The following MLXIP variants were observed in gnomAD, a reference collection of about 807,000 sequenced individuals.
MLXIP encodes MLX interacting protein.
In MLXIP, 30 loss-of-function variants were observed where a neutral mutation model predicts 87.2. That is an observed-to-expected ratio of 0.34 (90% CI 0.26 to 0.47). The LOEUF is 0.47. Among genes scored for constraint, MLXIP ranks in the 20% least tolerant of loss-of-function variants. The pLI is 1.00. For synonymous variants in MLXIP, 530 were observed against 514.0 expected (o/e 1.03, Z -0.42); for missense variants, 1,002 against 1,240.1 (o/e 0.81, Z 2.88).
chr12:122,093,670 G>T (rs1186340260), intron 1 of MLXIP, among the ~76,000 whole-genome samples: 1 of 138,066 alleles, frequency 7.2e-6, no homozygotes, highest in South Asian at 2.4e-4. Flanking sequence ...ATATGTGTGT[G>T]TGGTGTATGT....
At chr12:122,119,107 G>T (rs1952737626) in intron 1 of MLXIP, among the ~76,000 whole-genome samples, 1 of 151,946 alleles carries the variant, frequency 6.6e-6, no homozygotes, top group Non-Finnish European at 1.5e-5. Flanking sequence ...GGTGGAGCTT[G>T]CAGTGAGCCG....
At chr12:122,130,211 G>A in intron 6 of MLXIP, 99 bp downstream of exon 6, 1 of 1,250,782 alleles carries the variant, frequency 8.0e-7, no homozygotes, top group Non-Finnish European at 1.1e-6. Context: ...TCTCTGAGCT[G>A]CTGCACGTCA....
rs1953250105 is a variant in MLXIP at position 122,143,673 on chromosome 12, G to A, written c.*1861G>A. On this transcript the variant is annotated 3_prime_UTR_variant, in exon 17 of 17. Transcript: ENST00000319080. Reference sequence around the variant, plus strand: ...GTGAGTGCAGCCCCTCTCTACTTCTGTGCCTTTGTAAAACGTGTAGATAAC... The same window carrying A: ...GTGAGTGCAGCCCCTCTCTACTTCTATGCCTTTGTAAAACGTGTAGATAAC... 3 of 152,232 alleles carry A rather than the reference G, an allele frequency of 2.0e-5. No individual in the cohort carries two copies. Among genetic ancestry groups the A allele is most frequent in the African/African-American group, 4.8e-5 (2 of 41,444 alleles). The allele number at this position is 152,232 out of a possible 1,614,324, so 9.4% of individuals were successfully genotyped here.
chr12:122,135,632 T>A lies in MLXIP; in HGVS notation c.1998T>A (p.His666Gln), dbSNP rs769012498. ...GGAAGGGCGAGCAGGTCCCGCTGCA[T>A]GGGGGCAGCCCCCAGGTCACTGTCA... ...PLGKGEQVPL[H>Q]GGSPQVTVTG... The change falls in exon 11 of 17, where the codon CAT becomes CAA. Residue 666 changes from histidine (H) to glutamine (Q), a missense_variant. By Grantham distance (24) the His-to-Gln change is conservative. Around this residue, in one of 3 missense-constraint regions of MLXIP, gnomAD observed 746 missense variants for 897.0 expected, o/e 0.83. Transcript: ENST00000319080. This position sits in a 1 kb window ranked among gnomAD's most constrained non-coding sequence, Gnocchi z 5.3. The A allele has an allele frequency of 1.3e-6, 2 of 1,549,094 alleles. No homozygotes were observed. Among genetic ancestry groups the A allele is most frequent in the Admixed American group, 3.9e-5 (2 of 51,308 alleles).
chr12:122,124,893 T>G (rs1165521276), intron 1 of MLXIP, among the ~76,000 whole-genome samples: 1 of 151,922 alleles, frequency 6.6e-6, no homozygotes, highest in African/African-American at 2.4e-5. Flanking sequence ...TAGGCCGGGC[T>G]TGGTGGCTCA....
chr12:122,105,008 C>T (rs1952498204), intron 1 of MLXIP, among the ~76,000 whole-genome samples: 1 of 152,156 alleles, frequency 6.6e-6, no homozygotes, highest in Non-Finnish European at 1.5e-5. Flanking sequence ...AACATGTTTC[C>T]TTGCTCCCCG....
In MLXIP at chr12:122,141,713, G is replaced by A. The variant is rs1953208006; in HGVS notation, c.2661G>A (p.Gln887=). Residue 887 remains glutamine, a synonymous_variant, in exon 17 of 17, where the codon CAG becomes CAA. Transcript: ENST00000319080. ...LRPMVLSTLR[Q]LSTSTSILTD... The stretch of plus-strand genomic sequence containing the variant: ...CAGTGGTATTGAGCACGCTGCGGCA[G>A]CTGAGCACCTCCACCTCCATCCTCA... 4 of 1,613,880 alleles carry A rather than the reference G, an allele frequency of 2.5e-6. No individual in the cohort carries two copies. In the East Asian group the frequency reaches 8.9e-5, roughly 36 times the overall value.
chr12:122,103,207 T>G (rs776571377), intron 1 of MLXIP, among the ~76,000 whole-genome samples: 72,559 of 124,900 alleles, frequency 0.58, 17,802 homozygotes, highest in Middle Eastern at 0.7. Flanking sequence ...ATGTATTTAT[T>G]TATTTATTTA....
chr12:122,106,695 G>T (rs1488750025), intron 1 of MLXIP, among the ~76,000 whole-genome samples: 1 of 145,842 alleles, frequency 6.9e-6, no homozygotes, highest in African/African-American at 2.5e-5. Context: ...TCCGCCTCCC[G>T]GGTTCAAGTG....
rs769404906 is a variant in MLXIP at position 122,133,382 on chromosome 12, T to C, written c.1127T>C (p.Val376Ala). 7.5e-6 allele frequency: 12 copies of C among 1,590,734 alleles called. No individual in the cohort carries two copies. Among genetic ancestry groups the C allele is most frequent in the Non-Finnish European group, 1.0e-5 (12 of 1,165,208 alleles). The change falls in exon 9 of 17, where the codon GTG becomes GCG. Residue 376 changes from valine to alanine, a missense_variant. By Grantham distance (64) the Val-to-Ala change is moderately conservative. Around this residue, in one of 3 missense-constraint regions of MLXIP, gnomAD observed 746 missense variants for 897.0 expected, o/e 0.83. Transcript: ENST00000319080. The surrounding 1 kb of genome is among the most constrained non-coding windows in gnomAD (Gnocchi z 4.9). ...CTGCCGACCACAGCCCTCCCCACTG[T>C]GAGCCTTCCTGACAGCCTCATCGCG... ...SILPTTALPT[V>A]SLPDSLIAPP... is the part of the protein sequence containing the mutation.
chr12:122,137,707 G>C lies in MLXIP; in HGVS notation c.2154+117G>C. ...GACCCAGCCAGAGCTGCCCAGGCAGGGGTGGATCAGAAATGGGCTTCTCCT... is the reference window on the plus strand; with the variant it reads ...GACCCAGCCAGAGCTGCCCAGGCAGCGGTGGATCAGAAATGGGCTTCTCCT... On this transcript the variant is annotated intron_variant, in intron 12 of 16. Coordinates refer to ENST00000319080, the MANE Select transcript of MLXIP (RefSeq NM_014938.6). The surrounding 1 kb of genome is among the most constrained non-coding windows in gnomAD (Gnocchi z 4.1). The C allele has an allele frequency of 6.7e-7, 1 of 1,488,978 alleles. No individual in the cohort carries two copies. Among genetic ancestry groups the C allele is most frequent in the Non-Finnish European group, 9.1e-7 (1 of 1,100,568 alleles). The allele number at this position is 1,488,978 out of a possible 1,614,324, so 92.2% of individuals were successfully genotyped here.
At chr12:122,083,051 C>T (rs1302299221) in intron 1 of MLXIP, among the ~76,000 whole-genome samples, 2 of 152,188 alleles carry the variant, frequency 1.3e-5, no homozygotes, top group Admixed American at 6.5e-5. Context: ...AACTCCTGGC[C>T]TTAAGCAGTC....
chr12:122,109,854 A>G (rs1168238293), intron 1 of MLXIP, among the ~76,000 whole-genome samples: 4 of 152,190 alleles, frequency 2.6e-5, no homozygotes, highest in East Asian at 1.9e-4. Context: ...TGGAATTTCT[A>G]TTATGTGATG....
At position 122,138,869 on chromosome 12, in the gene MLXIP, T is replaced by C. The variant is rs753227827; in HGVS notation, c.2439T>C (p.Phe813=). 5.0e-6 allele frequency: 8 copies of C among 1,614,064 alleles called. No homozygotes were observed. The highest frequency in any genetic ancestry group is 6.8e-6 in the Non-Finnish European group (8 of 1,179,900). The part of the protein sequence containing the change: ...ATGVPVTRRQ[F]DHMKDMFDEY... Reference sequence around the variant, plus strand: ...GAGTCCCCGTTACCCGGCGCCAGTTTGATCACATGAAAGACATGTTTGACG... The same window carrying C: ...GAGTCCCCGTTACCCGGCGCCAGTTCGATCACATGAAAGACATGTTTGACG... The change falls in exon 15 of 17, where the codon TTT becomes TTC. Residue 813 remains phenylalanine (F), a synonymous_variant. Coordinates refer to ENST00000319080, the MANE Select transcript of MLXIP (RefSeq NM_014938.6).
At chr12:122,115,588 C>CAGAAAAAAA (rs1952678297) in intron 1 of MLXIP, among the ~76,000 whole-genome samples, 1 of 110,738 alleles carries the variant, frequency 9.0e-6, no homozygotes, top group African/African-American at 4.2e-5. Context: ...AACTCCTTCT[C>CAGAAAAAAA]AAAAAAAAAA....
chr12:122,141,455 G>T (rs1223661656), intron 16 of MLXIP, among the ~76,000 whole-genome samples: 1 of 152,136 alleles, frequency 6.6e-6, no homozygotes, highest in Non-Finnish European at 1.5e-5. Context: ...ATGGCACCAG[G>T]AACAGCATAG....
intron 1 of MLXIP, among the ~76,000 whole-genome samples, chr12:122,119,211 A>C (rs1031841113): frequency 2.6e-5 from 4 of 152,028 alleles, no homozygotes; most frequent in Admixed American, 6.6e-5. Context: ...AACAAACAAA[A>C]AAACAGAAAA....
At position 122,078,761 on chromosome 12, in the gene MLXIP, G is replaced by C; in HGVS notation, c.-93G>C. 2 of 996,624 alleles carry C rather than the reference G, an allele frequency of 2.0e-6. No homozygotes were observed. Among genetic ancestry groups the C allele is most frequent in the Non-Finnish European group, 2.4e-6 (2 of 835,084 alleles). 61.7% of individuals were successfully genotyped at this position (996,624 alleles called of 1,614,324 possible). On this transcript the variant is annotated 5_prime_UTR_variant, in exon 1 of 17. Coordinates refer to ENST00000319080, the MANE Select transcript of MLXIP (RefSeq NM_014938.6). ...CGCGCCGCGCGCTCGCGGACAGTCG[G>C]CGCGCGGGCCGGGCCGGGCCGGCGC...
intron 1 of MLXIP, among the ~76,000 whole-genome samples, chr12:122,083,955 A>G (rs1261492801): frequency 6.6e-6 from 1 of 152,150 alleles, no homozygotes; most frequent in Non-Finnish European, 1.5e-5. Flanking sequence ...GTCTTTAACC[A>G]TTAGATGGTG....
Sources: gnomAD v4.1 joint callset for allele counts (sites outside exome capture counted in the v4.1 genomes callset) on GRCh38, gnomAD v4.1.1 for gene constraint, gnomAD v4.1.1 regional missense constraint, Gnocchi (gnomAD v3.1) non-coding constraint, MANE v1.5 for transcripts, NCBI Gene and HGNC (gene_info 2026-07-23, HGNC 2026-07-21) for gene names.